SMAP1: variants seen among roughly 807,000 people sequenced by gnomAD.
SMAP1 encodes the protein stromal membrane-associated protein 1.
In SMAP1, 24 loss-of-function variants were observed where a neutral mutation model predicts 58.5. The ratio of observed to expected loss-of-function variants is 0.41; its 90% CI spans 0.30 to 0.58. The LOEUF (loss-of-function observed/expected upper bound fraction) is 0.58, where lower values mean the gene tolerates loss of function less well. SMAP1 is among the 20% of genes least tolerant of loss of function. SMAP1 has a pLI of 0.29. For missense variants in SMAP1, 563 were observed against 566.3 expected, an observed-to-expected ratio of 0.99 and a Z score of 0.06; for synonymous variants, 216 against 196.6, an observed-to-expected ratio of 1.10 and a Z score of -0.82.
At position 70,755,051 on chromosome 6, in the gene SMAP1, A is replaced by G. The variant is rs2149889453; in HGVS notation, c.324A>G (p.Arg108=). The G allele has an allele frequency of 6.2e-7, 1 of 1,609,344 alleles. No homozygotes were observed. The highest frequency in any genetic ancestry group is 2.2e-5 in the East Asian group (1 of 44,710). The part of the protein sequence containing the change: ...YEANLPENFR[R]PQTDQAVEFF... ...CCAATCTTCCAGAGAACTTTCGAAG[A>G]CCACAGACAGATCAGTATCCTTTAA... Residue 108 remains arginine, a synonymous_variant, in exon 3 of 11, where the codon AGA becomes AGG. Coordinates refer to ENST00000370455, the MANE Select transcript of SMAP1 (RefSeq NM_001044305.3).
chr6:70,708,116 T>A (rs1427170105), intron 1 of SMAP1, among the ~76,000 whole-genome samples: 1 of 152,152 alleles, frequency 6.6e-6, no homozygotes, highest in Admixed American at 6.6e-5. Flanking sequence ...ACCTCCCTCT[T>A]CCTGTTTCCT....
chr6:70,850,289 A>G (rs186269738), intron 7 of SMAP1, among the ~76,000 whole-genome samples: 1 of 152,276 alleles, frequency 6.6e-6, no homozygotes, highest in African/African-American at 2.4e-5. Context: ...AGCAATTGAT[A>G]GTATTTTCTC....
At chr6:70,728,789 G>A (rs543802374) in intron 1 of SMAP1, among the ~76,000 whole-genome samples, 10 of 152,282 alleles carry the variant, frequency 6.6e-5, no homozygotes, top group African/African-American at 1.7e-4. Flanking sequence ...GAAATGGTGC[G>A]AGAGTGTAAA....
intron 1 of SMAP1, among the ~76,000 whole-genome samples, chr6:70,708,231 A>G (rs1767917424): frequency 6.6e-6 from 1 of 152,026 alleles, no homozygotes; most frequent in Admixed American, 6.5e-5. Context: ...TTCTTTCTAT[A>G]TCTGGCTTAT....
chr6:70,791,910 T>A, intron 5 of SMAP1, 141 bp downstream of exon 5: 1 of 622,304 alleles, frequency 1.6e-6, no homozygotes, highest in Non-Finnish European at 2.6e-6. Context: ...ATTTCTAGAA[T>A]TTTTTTATAC....
intron 3 of SMAP1, 159 bp from the exon 4 acceptor site, chr6:70,773,191 G>A: frequency 3.8e-6 from 2 of 525,956 alleles, no homozygotes; most frequent in Non-Finnish European, 3.4e-6. Flanking sequence ...AGAAAGAAAA[G>A]TAGTTTACAG....
rs551476057 is a variant in SMAP1 at position 70,770,708 on chromosome 6, C to T, written c.339-2642C>T. On this transcript the variant is annotated intron_variant, in intron 3 of 10. Coordinates refer to ENST00000370455, the MANE Select transcript of SMAP1 (RefSeq NM_001044305.3). ...CTTTGGTTTGAATTTCCTCTTGTTG[C>T]TCGGAGTAGTTTGATCGTCTGAAGC... 2.0e-5 allele frequency among the ~76,000 whole-genome samples: 3 copies of T among 152,278 alleles called. No individual in the cohort carries two copies. The South Asian group carries it at 6.2e-4, about 32-fold the overall frequency.
chr6:70,841,548 T>C (rs941689375), intron 7 of SMAP1, among the ~76,000 whole-genome samples: 2 of 152,248 alleles, frequency 1.3e-5, no homozygotes, highest in Non-Finnish European at 2.9e-5. Flanking sequence ...TTATCCATTC[T>C]ATTCGTTACT....
intron 8 of SMAP1, among the ~76,000 whole-genome samples, chr6:70,853,869 G>C (rs1771282335): frequency 6.6e-6 from 1 of 152,188 alleles, no homozygotes; most frequent in South Asian, 2.1e-4. Flanking sequence ...TTGACAACCA[G>C]AATGTGAAAA....
intron 6 of SMAP1, among the ~76,000 whole-genome samples, chr6:70,803,966 GA>G (rs1277836128): frequency 2.6e-5 from 4 of 152,186 alleles, no homozygotes; most frequent in African/African-American, 9.7e-5. Flanking sequence ...ATATTCTGTT[GA>G]TTTGGGGTGG....
chr6:70,756,919 A>G (rs565097603), intron 3 of SMAP1, among the ~76,000 whole-genome samples: 6 of 152,080 alleles, frequency 3.9e-5, no homozygotes, highest in Non-Finnish European at 8.8e-5. Context: ...GGAAGAATCA[A>G]TATCGTGAAA....
chr6:70,706,305 C>T (rs892239525), intron 1 of SMAP1, among the ~76,000 whole-genome samples: 1 of 152,092 alleles, frequency 6.6e-6, no homozygotes, highest in Non-Finnish European at 1.5e-5. Flanking sequence ...AAAATAAGTC[C>T]TTTCCCCCCA....
At chr6:70,705,056 G>A (rs1408517772) in intron 1 of SMAP1, among the ~76,000 whole-genome samples, 4 of 152,110 alleles carry the variant, frequency 2.6e-5, no homozygotes, top group African/African-American at 9.7e-5. Context: ...TAACTAGAAA[G>A]TTCTTGGCAT....
Position 70,861,665 on chromosome 6 carries a change from A to G in SMAP1, c.*1331A>G. The G allele has an allele frequency of 6.2e-7, 1 of 1,613,138 alleles. No individual in the cohort carries two copies. ...ACTGCACCAGTTGCTGCTTCAATTT[A>G]TACCTCAATTTTCACTGTGTCCAGG... On this transcript the variant is annotated 3_prime_UTR_variant, in exon 11 of 11. Transcript: ENST00000370455.
intron 3 of SMAP1, among the ~76,000 whole-genome samples, chr6:70,765,380 G>A (rs1683553706): frequency 6.6e-6 from 1 of 152,112 alleles, no homozygotes. Context: ...ACAAATATAT[G>A]ACATTTCTAA....
At chr6:70,739,821 G>C (rs1214465606) in intron 2 of SMAP1, among the ~76,000 whole-genome samples, 2 of 151,118 alleles carry the variant, frequency 1.3e-5, no homozygotes, top group Non-Finnish European at 3.0e-5. Context: ...ATTTTTCTTA[G>C]ACTATTATTT....
intron 8 of SMAP1, among the ~76,000 whole-genome samples, chr6:70,856,387 A>T (rs1343053736): frequency 6.6e-6 from 1 of 152,230 alleles, no homozygotes; most frequent in Non-Finnish European, 1.5e-5. Context: ...AAAACTGATT[A>T]GATGTATAAA....
At chr6:70,769,173 A>G (rs564062811) in intron 3 of SMAP1, among the ~76,000 whole-genome samples, 31 of 152,238 alleles carry the variant, frequency 2.0e-4, no homozygotes, top group African/African-American at 7.0e-4. Flanking sequence ...ACTTCCAACT[A>G]TGTGGTCAAT....
At chr6:70,692,042 T>A (rs934914252) in intron 1 of SMAP1, among the ~76,000 whole-genome samples, 6 of 152,206 alleles carry the variant, frequency 3.9e-5, no homozygotes, top group Non-Finnish European at 8.8e-5. Flanking sequence ...CTCCGTACTG[T>A]TCTTCATAGT....
Sources: gnomAD v4.1 joint callset for allele counts (sites outside exome capture counted in the v4.1 genomes callset) on GRCh38, gnomAD v4.1.1 for gene constraint, MANE v1.5 for transcripts, NCBI Gene and HGNC (gene_info 2026-07-23, HGNC 2026-07-21) for gene names.